FBXL17: variants seen among roughly 807,000 people sequenced by gnomAD.
FBXL17 encodes the protein F-box and leucine rich repeat protein 17, also known as F-box/LRR-repeat protein 17.
Under a neutral mutation model 66.2 loss-of-function variants are expected in FBXL17, and 22 were observed. That is an observed-to-expected ratio of 0.33 (90% CI 0.24 to 0.47). The LOEUF (loss-of-function observed/expected upper bound fraction) is 0.47, where lower values mean the gene tolerates loss of function less well. Among genes scored for constraint, FBXL17 ranks in the 20% least tolerant of loss-of-function variants. The probability of loss-of-function intolerance (pLI) is 1.00; values close to 1 mark genes in which losing one functional copy is unlikely to be tolerated. For missense variants in FBXL17, 878 were observed against 948.2 expected (o/e 0.93, Z 0.97); for synonymous variants, 474 against 400.5 (o/e 1.18, Z -2.19).
At chr5:108,296,082 T>C (rs569389406) in intron 4 of FBXL17, among the ~76,000 whole-genome samples, 5 of 151,088 alleles carry the variant, frequency 3.3e-5, no homozygotes, top group Admixed American at 2.0e-4. Context: ...CTCTCTGGAA[T>C]AGATGAGGAA....
At chr5:108,344,507 C>T (rs771927629) in intron 4 of FBXL17, among the ~76,000 whole-genome samples, 1 of 151,946 alleles carries the variant, frequency 6.6e-6, no homozygotes, top group Non-Finnish European at 1.5e-5. Context: ...AAAAAATAGG[C>T]CAAACACACA....
At chr5:108,373,311 T>TATATTAATATAAATATAATATATATCTAA (rs1749179113) in intron 1 of FBXL17, among the ~76,000 whole-genome samples, 1 of 144,514 alleles carries the variant, frequency 6.9e-6, no homozygotes, top group Non-Finnish European at 1.5e-5. Flanking sequence ...TATATCTAAA[T>TATATTAATATAAATATAATATATATCTAA]ATATTAAATT....
At chr5:108,071,882 T>C (rs1748347975) in intron 6 of FBXL17, among the ~76,000 whole-genome samples, 1 of 152,060 alleles carries the variant, frequency 6.6e-6, no homozygotes. Flanking sequence ...ATTTCTTAAA[T>C]CAAAGGCCTA....
chr5:108,280,732 TA>T lies in FBXL17; in HGVS notation c.1507-56505del, dbSNP rs34971153. On this transcript the variant is annotated intron_variant, in intron 4 of 8. Transcript: ENST00000542267. ...AAAGCTATACATTGGCAGAATGAAT[TA>T]AAAAAAAAACATGATCCAACTATAT... 1.3e-4 allele frequency among the ~76,000 whole-genome samples: 19 copies of T among 149,038 alleles called. 1 individual carries two copies. Among genetic ancestry groups the T allele is most frequent in the East Asian group, 9.8e-4 (5 of 5,082 alleles).
chr5:108,183,383 T>C (rs993196698), intron 6 of FBXL17, among the ~76,000 whole-genome samples: 1 of 152,178 alleles, frequency 6.6e-6, no homozygotes, highest in Admixed American at 6.5e-5. Flanking sequence ...AAATTTACTG[T>C]AATATATTAA....
chr5:107,942,727 T>A (rs1008544481), intron 7 of FBXL17, among the ~76,000 whole-genome samples: 5 of 150,566 alleles, frequency 3.3e-5, no homozygotes, highest in African/African-American at 1.2e-4. Flanking sequence ...ATTTTAACGA[T>A]CTCCCATTCT....
chr5:108,309,635 G>A (rs1366952317), intron 4 of FBXL17, among the ~76,000 whole-genome samples: 1 of 151,934 alleles, frequency 6.6e-6, no homozygotes, highest in Non-Finnish European at 1.5e-5. Flanking sequence ...AGTTCAAAGT[G>A]TACTAATAAG....
rs187930891 is a variant in FBXL17 at position 108,182,774 on chromosome 5, C to T, written c.1745+3343G>A. On this transcript the variant is annotated intron_variant, in intron 6 of 8. Transcript: ENST00000542267. ...GAAGGAAAGGCAAAGTGAGAGCTCT[C>T]GACATTTTCATTTGTAAATTACCCA... is the stretch of plus-strand genomic sequence containing the variant. Among the ~76,000 whole-genome samples, 15 of 152,136 alleles carry T rather than the reference C, an allele frequency of 9.9e-5. No homozygotes were observed. The East Asian group carries it at 1.9e-3, about 20-fold the overall frequency.
intron 6 of FBXL17, among the ~76,000 whole-genome samples, chr5:108,167,218 A>C (rs1484806769): frequency 6.6e-6 from 1 of 152,224 alleles, no homozygotes; most frequent in Middle Eastern, 3.2e-3. Context: ...AGTAACCTTC[A>C]AGAATCTGCT....
At chr5:108,307,630 A>G (rs942592429) in intron 4 of FBXL17, among the ~76,000 whole-genome samples, 3 of 152,040 alleles carry the variant, frequency 2.0e-5, no homozygotes, top group South Asian at 2.1e-4. Context: ...GTTGTATACC[A>G]TATCAATCTC....
At chr5:108,153,016 G>A (rs1751830473) in intron 6 of FBXL17, among the ~76,000 whole-genome samples, 1 of 152,110 alleles carries the variant, frequency 6.6e-6, no homozygotes, top group Admixed American at 6.5e-5. Context: ...CTCATGAGAT[G>A]TGATGGTTTT....
intron 6 of FBXL17, among the ~76,000 whole-genome samples, chr5:108,066,569 G>T (rs973366737): frequency 2.0e-5 from 3 of 151,846 alleles, no homozygotes; most frequent in Non-Finnish European, 4.4e-5. Flanking sequence ...ACTAATGCAG[G>T]ACATGTAAAA....
rs556084872 is a variant in FBXL17, at chr5:108,134,417, G to A, written c.1745+51700C>T. On this transcript the variant is annotated intron_variant, in intron 6 of 8. Coordinates refer to ENST00000542267, the MANE Select transcript of FBXL17 (RefSeq NM_001163315.3). ...TTAATACATGAGGTTTTCTTAAACC[G>A]GGGACATAGTTGTATTTCTAACCAT... 3.3e-5 allele frequency among the ~76,000 whole-genome samples: 5 copies of A among 152,170 alleles called. 1 individual carries two copies. The highest frequency in any genetic ancestry group is 4.2e-4 in the South Asian group (2 of 4,804).
chr5:108,338,693 T>C (rs576458756), intron 4 of FBXL17, among the ~76,000 whole-genome samples: 2 of 152,056 alleles, frequency 1.3e-5, no homozygotes, highest in Admixed American at 6.6e-5. Context: ...TATGGACTTA[T>C]CTGGCTTTTA....
At chr5:107,867,783 G>C (rs546030749) in intron 8 of FBXL17, among the ~76,000 whole-genome samples, 1 of 152,256 alleles carries the variant, frequency 6.6e-6, no homozygotes, top group Admixed American at 6.5e-5. Flanking sequence ...CTGCTGTCAT[G>C]GTAGTGTTTA....
intron 7 of FBXL17, among the ~76,000 whole-genome samples, chr5:107,952,152 T>C (rs994253257): frequency 3.9e-5 from 6 of 152,158 alleles, no homozygotes; most frequent in Admixed American, 3.9e-4. Flanking sequence ...AGTAGGCACA[T>C]ATATGCCAAT....
At chr5:108,127,136 A>C (rs1412165053) in intron 6 of FBXL17, among the ~76,000 whole-genome samples, 1 of 152,208 alleles carries the variant, frequency 6.6e-6, no homozygotes, top group Non-Finnish European at 1.5e-5. Context: ...AAAGATATGC[A>C]CATGAAATTT....
intron 4 of FBXL17, among the ~76,000 whole-genome samples, chr5:108,325,139 T>A (rs536987669): frequency 5.3e-5 from 8 of 152,206 alleles, no homozygotes; most frequent in Admixed American, 1.3e-4. Context: ...GTGAATGTAC[T>A]CACCGTCACT....
At chr5:108,271,568 C>G (rs1757267722) in intron 4 of FBXL17, among the ~76,000 whole-genome samples, 1 of 152,184 alleles carries the variant, frequency 6.6e-6, no homozygotes, top group Non-Finnish European at 1.5e-5. Flanking sequence ...ACTACCAATA[C>G]AGTCAACTTC....
Sources: allele counts gnomAD v4.1 joint callset (sites outside exome capture counted in the v4.1 genomes callset), GRCh38; gene constraint gnomAD v4.1.1; transcripts MANE v1.5; gene names NCBI Gene and HGNC (gene_info 2026-07-23, HGNC 2026-07-21).